KCNN4: variants seen among roughly 807,000 people sequenced by gnomAD.
KCNN4 encodes potassium calcium-activated channel subfamily N member 4, also known as intermediate conductance calcium-activated potassium channel protein 4.
Under a neutral mutation model 45.2 loss-of-function variants are expected in KCNN4, and 31 were observed. That is an observed-to-expected ratio of 0.69 (90% confidence interval 0.52 to 0.92). KCNN4 has a LOEUF of 0.92. KCNN4 is among the 40% of genes least tolerant of loss of function. KCNN4 has a pLI of 0.00. For synonymous variants in KCNN4, 231 were observed against 254.6 expected, an observed-to-expected ratio of 0.91 and a Z score of 0.88; for missense variants, 463 against 574.0, an observed-to-expected ratio of 0.81 and a Z score of 1.98.
chr19:43,768,870 C>G, intron 7 of KCNN4, 93 bp downstream of exon 7: 1 of 1,240,802 alleles, frequency 8.1e-7, no homozygotes, highest in Non-Finnish European at 1.2e-6. Context: ...GTGCCAGGCC[C>G]CTGCCAAGGT....
At position 43,774,269 on chromosome 19, in the gene KCNN4, C is replaced by T. The variant is rs1482377392; in HGVS notation, c.606G>A (p.Thr202=). The change falls in exon 3 of 9, where the codon ACG becomes ACA. Residue 202 remains threonine (T), a synonymous_variant. Coordinates refer to ENST00000648319, the MANE Select transcript of KCNN4 (RefSeq NM_002250.3). This position sits in a 1 kb window ranked among gnomAD's most constrained non-coding sequence, Gnocchi z 5.6. ...HWFVAKLYMN[T]HPGRLLLGLT... ...GGCCGAGCAGCAGGCGGCCAGGGTG[C>T]GTGTTCATGTAAAGCTTGGCCACGA... is the stretch of plus-strand genomic sequence containing the variant. 1 of 1,612,720 alleles carries T rather than the reference C, an allele frequency of 6.2e-7. No individual in the cohort carries two copies.
Position 43,774,888 on chromosome 19 carries a change from G to A in KCNN4, c.256-269C>T, listed in dbSNP as rs543527079. 6.6e-6 allele frequency among the ~76,000 whole-genome samples: 1 copy of A among 152,172 alleles called. No homozygotes were observed. Among genetic ancestry groups the A allele is most frequent in the Non-Finnish European group, 1.5e-5 (1 of 68,034 alleles). ...CTGACTGAGCGCCGACTGTGTGCCT[G>A]ACATTGTTCTATGTGCTAAGGATAC... On this transcript the variant is annotated intron_variant, in intron 2 of 8. Transcript: ENST00000648319. The surrounding 1 kb of genome is among the most constrained non-coding windows in gnomAD (Gnocchi z 5.6).
At chr19:43,768,926 C>A (rs769117930) in intron 7 of KCNN4, 37 bp downstream of exon 7, 1 of 1,609,728 alleles carries the variant, frequency 6.2e-7, no homozygotes, top group Non-Finnish European at 8.5e-7. Flanking sequence ...CCCAACCTCC[C>A]CCTTCTTCAA....
chr19:43,768,850 C>T, intron 7 of KCNN4, 113 bp downstream of exon 7: 1 of 918,514 alleles, frequency 1.1e-6, no homozygotes, highest in Admixed American at 1.8e-5. Flanking sequence ...CCTTTACTGA[C>T]AGGCTGTGTG....
chr19:43,776,506 G>T, intron 2 of KCNN4, 35 bp downstream of exon 2: 1 of 1,431,960 alleles, frequency 7.0e-7, no homozygotes, highest in Non-Finnish European at 9.8e-7. Flanking sequence ...GAGGGGGTTG[G>T]AGGGAGCAAG....
rs754259793 is a variant in KCNN4 at position 43,774,637 on chromosome 19, A to T, written c.256-18T>A. The T allele has an allele frequency of 6.1e-6, 9 of 1,485,436 alleles. No individual in the cohort carries two copies. In the East Asian group the frequency reaches 2.1e-4, roughly 35 times the overall value. The allele number at this position is 1,485,436 out of a possible 1,614,324, so 92.0% of individuals were successfully genotyped here. A position where few individuals can be genotyped will look rare whatever the true frequency, so the allele number is the denominator to read the frequency against. On this transcript the variant is annotated intron_variant, in intron 2 of 8. Coordinates refer to ENST00000648319, the MANE Select transcript of KCNN4 (RefSeq NM_002250.3). The surrounding 1 kb of genome is among the most constrained non-coding windows in gnomAD (Gnocchi z 5.6). ...ATGAACAGCTGCCGGTAGGGGGCCA[A>T]GAAGGGAGGGGTCAGGAGCAGGTCA...
At chr19:43,773,698 C>G (rs1177832676) in intron 3 of KCNN4, among the ~76,000 whole-genome samples, 1 of 152,180 alleles carries the variant, frequency 6.6e-6, no homozygotes, top group East Asian at 1.9e-4. Context: ...TAGCTGGCAA[C>G]CAGGATCTAG....
intron 1 of KCNN4, among the ~76,000 whole-genome samples, chr19:43,777,170 C>G (rs1255427860): frequency 6.6e-6 from 1 of 152,128 alleles, no homozygotes; most frequent in Non-Finnish European, 1.5e-5. Context: ...ACAGGACAAC[C>G]CTGTCCAGAT....
intron 8 of KCNN4, 185 bp from the exon 9 acceptor site, chr19:43,767,274 T>G: frequency 2.3e-6 from 1 of 435,284 alleles, no homozygotes; most frequent in Non-Finnish European, 4.2e-6. Flanking sequence ...AGCCAGACAA[T>G]GTGCCCAGGA....
chr19:43,777,514 G>A (rs908741366), intron 1 of KCNN4, among the ~76,000 whole-genome samples: 11 of 151,900 alleles, frequency 7.2e-5, no homozygotes, highest in African/African-American at 2.7e-4. Context: ...GCTCTCATCC[G>A]GAGGGCTGAG....
Position 43,774,675 on chromosome 19 carries a change from G to A in KCNN4, c.256-56C>T. The A allele has an allele frequency of 1.4e-6, 2 of 1,407,434 alleles. No homozygotes were observed. Among genetic ancestry groups the A allele is most frequent in the Non-Finnish European group, 1.9e-6 (2 of 1,080,694 alleles). 87.2% of individuals were successfully genotyped at this position (1,407,434 alleles called of 1,614,324 possible). ...CAGGAGCAGGTCAGGCGCAGGTCAGGCGGCGGCCCGCGCCTGCCTGCGCCC... is the reference window on the plus strand; with the variant it reads ...CAGGAGCAGGTCAGGCGCAGGTCAGACGGCGGCCCGCGCCTGCCTGCGCCC... On this transcript the variant is annotated intron_variant, in intron 2 of 8. Coordinates refer to ENST00000648319, the MANE Select transcript of KCNN4 (RefSeq NM_002250.3). This position sits in a 1 kb window ranked among gnomAD's most constrained non-coding sequence, Gnocchi z 5.6.
intron 1 of KCNN4, among the ~76,000 whole-genome samples, chr19:43,779,221 G>A (rs1969901473): frequency 6.6e-6 from 1 of 152,176 alleles, no homozygotes; most frequent in Non-Finnish European, 1.5e-5. Context: ...GGTGAAGTGG[G>A]GTAGGATGGA....
At position 43,774,497 on chromosome 19, in the gene KCNN4, C is replaced by T. The variant is rs1307412348; in HGVS notation, c.378G>A (p.Pro126=). 2 of 1,596,264 alleles carry T rather than the reference C, an allele frequency of 1.3e-6. No homozygotes were observed. Among genetic ancestry groups the T allele is most frequent in the Non-Finnish European group, 1.7e-6 (2 of 1,173,140 alleles). ...GLHPAPVRGP[P]CVQDLGAPLT... is the part of the protein sequence containing the mutation. ...GCGGCGCCCCTAAATCCTGCACGCA[C>T]GGCGGGCCCCGCACGGGCGCCGGGT... The change falls in exon 3 of 9, where the codon CCG becomes CCA. Residue 126 remains proline, a synonymous_variant. Coordinates refer to ENST00000648319, the MANE Select transcript of KCNN4 (RefSeq NM_002250.3). This position sits in a 1 kb window ranked among gnomAD's most constrained non-coding sequence, Gnocchi z 5.6.
chr19:43,775,781 T>C (rs1000373666), intron 2 of KCNN4, among the ~76,000 whole-genome samples: 12 of 151,828 alleles, frequency 7.9e-5, no homozygotes, highest in African/African-American at 2.7e-4. Context: ...CTCCTGGGTC[T>C]GGGGCAAGAG....
intron 2 of KCNN4, among the ~76,000 whole-genome samples, chr19:43,776,289 A>AAGG (rs914160718): frequency 2.0e-5 from 3 of 151,950 alleles, no homozygotes; most frequent in Non-Finnish European, 4.4e-5. Context: ...GCAGGGCTGC[A>AAGG]AGGGCACTCT....
intron 1 of KCNN4, 64 bp downstream of exon 1, chr19:43,780,637 CTG>C: frequency 1.0e-6 from 1 of 996,126 alleles, no homozygotes; most frequent in Non-Finnish European, 1.5e-6. Context: ...CCCAAGAGTC[CTG>C]ACCCCCAGCC....
rs752549687 is a variant in KCNN4, at chr19:43,774,165, G to T, written c.683+27C>A. The T allele has an allele frequency of 1.1e-4, 172 of 1,588,948 alleles. No individual in the cohort carries two copies. The highest frequency in any genetic ancestry group is 1.4e-4 in the Non-Finnish European group (167 of 1,164,976). ...CCGTGGCTGTCCGGGGTTCCCCCCT[G>T]CGCATTTATGCCTCCATCACCCTCA... On this transcript the variant is annotated intron_variant, in intron 3 of 8. Transcript: ENST00000648319. This position sits in a 1 kb window ranked among gnomAD's most constrained non-coding sequence, Gnocchi z 5.6.
chr19:43,776,380 C>G (rs1037820143), intron 2 of KCNN4, among the ~76,000 whole-genome samples, 161 bp downstream of exon 2: 2 of 151,972 alleles, frequency 1.3e-5, no homozygotes, highest in African/African-American at 4.8e-5. Context: ...CCTGTCTGCT[C>G]ATGGTTCATC....
intron 7 of KCNN4, 59 bp downstream of exon 7, chr19:43,768,904 C>T: frequency 6.4e-7 from 1 of 1,569,618 alleles, no homozygotes; most frequent in Non-Finnish European, 8.8e-7. Flanking sequence ...GCCAGATTTC[C>T]CTCCCTGTGG....
Sources: gnomAD v4.1 joint callset for allele counts (sites outside exome capture counted in the v4.1 genomes callset) on GRCh38, gnomAD v4.1.1 for gene constraint, Gnocchi (gnomAD v3.1) non-coding constraint, MANE v1.5 for transcripts, NCBI Gene and HGNC (gene_info 2026-07-23, HGNC 2026-07-21) for gene names.